Variants in RBMS2 observed in about 807,000 individuals in gnomAD.
The protein encoded by RBMS2 is RNA-binding motif, single-stranded-interacting protein 2.
Under a neutral mutation model 58.4 loss-of-function variants are expected in RBMS2, and 38 were observed. The observed-to-expected ratio is 0.65, with a 90% confidence interval of 0.50 to 0.85. The LOEUF (loss-of-function observed/expected upper bound fraction) is 0.85, where lower values mean the gene tolerates loss of function less well. RBMS2 is among the 40% of genes least tolerant of loss of function. RBMS2 has a pLI of 0.00. For synonymous variants in RBMS2, 151 were observed against 180.7 expected (o/e 0.84, Z 1.32); for missense variants, 367 against 503.7 (o/e 0.73, Z 2.60).
At chr12:56,532,968 T>G (rs1277968777) in intron 1 of RBMS2, among the ~76,000 whole-genome samples, 1 of 152,052 alleles carries the variant, frequency 6.6e-6, no homozygotes, top group Non-Finnish European at 1.5e-5. Flanking sequence ...TGGGTCTCAC[T>G]TTGTCACTCG....
chr12:56,559,986 CCAGGTT>C (rs58931394), intron 1 of RBMS2, among the ~76,000 whole-genome samples: 107,030 of 149,376 alleles, frequency 0.72, 40,613 homozygotes, highest in East Asian at 0.83. Flanking sequence ...CCTCCGCCTC[CCAGGTT>C]CAAGCATTTC....
At chr12:56,588,627 A>C (rs371748361) in intron 12 of RBMS2, 44 of 586,504 alleles carry the variant, frequency 7.5e-5, no homozygotes, top group Non-Finnish European at 1.1e-4. Flanking sequence ...TTTAAAAAAA[A>C]AACAACAGCA....
chr12:56,528,736 G>A (rs764840266), intron 1 of RBMS2, among the ~76,000 whole-genome samples: 2 of 152,024 alleles, frequency 1.3e-5, no homozygotes, highest in East Asian at 1.9e-4. Flanking sequence ...AGACCAGCCC[G>A]GGGCAACATG....
rs759589996 is a variant in RBMS2, at chr12:56,581,862, C to A, written c.762C>A (p.Thr254=). Residue 254 remains threonine, a synonymous_variant, in exon 8 of 14, where the codon ACC becomes ACA. Coordinates refer to ENST00000262031, the MANE Select transcript of RBMS2 (RefSeq NM_002898.4). ...TCATGGCCTTGACCTATGACCCCAC[C>A]ACAGCTCTTCAGAATGGGTAAGGTT... The part of the protein sequence containing the change: ...MGVMALTYDP[T]TALQNGFYPA... 5 of 1,614,034 alleles carry A rather than the reference C, an allele frequency of 3.1e-6. No homozygotes were observed. In the South Asian group the frequency reaches 4.4e-5, roughly 14 times the overall value.
chr12:56,550,536 AAAAAC>A (rs557116687), intron 1 of RBMS2, among the ~76,000 whole-genome samples: 130 of 151,918 alleles, frequency 8.6e-4, no homozygotes, highest in African/African-American at 2.8e-3. Flanking sequence ...CCTTTCTCAA[AAAAAC>A]AAAACAAAAC....
Position 56,593,296 on chromosome 12 carries a change from T to C in RBMS2, c.*4163T>C, listed in dbSNP as rs992250929. 6.6e-6 allele frequency: 1 copy of C among 152,104 alleles called. No individual in the cohort carries two copies. Among genetic ancestry groups the C allele is most frequent in the Non-Finnish European group, 1.5e-5 (1 of 68,082 alleles). The allele number at this position is 152,104 out of a possible 1,614,324, so 9.4% of individuals were successfully genotyped here. A position where few individuals can be genotyped will look rare whatever the true frequency, so the allele number is the denominator to read the frequency against. On this transcript the variant is annotated 3_prime_UTR_variant, in exon 14 of 14. Transcript: ENST00000262031. ...CCCGGCCACCAAGTAGCTGGGACTATGGGCTTGTGCCACCATGCCTGGCTA... is the reference window on the plus strand; with the variant it reads ...CCCGGCCACCAAGTAGCTGGGACTACGGGCTTGTGCCACCATGCCTGGCTA...
intron 1 of RBMS2, among the ~76,000 whole-genome samples, chr12:56,533,324 A>T (rs1874121564): frequency 6.7e-6 from 1 of 150,102 alleles, no homozygotes; most frequent in African/African-American, 2.5e-5. Flanking sequence ...ATGGTCTCGA[A>T]CTCCTGACCT....
intron 1 of RBMS2, among the ~76,000 whole-genome samples, chr12:56,560,621 A>G: frequency 6.6e-6 from 1 of 151,276 alleles, no homozygotes; most frequent in East Asian, 2.0e-4. Context: ...TCTCAAACTC[A>G]TGGGTTCAAG....
intron 5 of RBMS2, chr12:56,580,429 C>T: frequency 3.4e-6 from 1 of 296,382 alleles, no homozygotes. Flanking sequence ...GATGGGGTTT[C>T]TCCATGTTGT....
intron 1 of RBMS2, among the ~76,000 whole-genome samples, chr12:56,548,972 G>A (rs974717010): frequency 3.3e-5 from 5 of 151,952 alleles, no homozygotes; most frequent in African/African-American, 9.7e-5. Flanking sequence ...GCACTTGATC[G>A]GAGAGCTTAA....
chr12:56,535,630 C>T (rs1246484340), intron 1 of RBMS2, among the ~76,000 whole-genome samples: 1 of 151,988 alleles, frequency 6.6e-6, no homozygotes, highest in African/African-American at 2.4e-5. Flanking sequence ...TTTAACATTA[C>T]ACCTGACACC....
At chr12:56,583,794 A>G (rs1278795175) in intron 9 of RBMS2, among the ~76,000 whole-genome samples, 1 of 152,174 alleles carries the variant, frequency 6.6e-6, no homozygotes, top group Non-Finnish European at 1.5e-5. Context: ...ATTGCTATTC[A>G]TATGCTTTGT....
intron 1 of RBMS2, among the ~76,000 whole-genome samples, chr12:56,554,977 G>A (rs907630457): frequency 1.3e-5 from 2 of 151,518 alleles, no homozygotes; most frequent in East Asian, 3.9e-4. Flanking sequence ...CTATTATAAC[G>A]AATGATGCAA....
chr12:56,580,054 C>T (rs560984207), intron 5 of RBMS2, among the ~76,000 whole-genome samples: 5 of 150,732 alleles, frequency 3.3e-5, no homozygotes, highest in East Asian at 2.0e-4. Flanking sequence ...CTCAGCCTCC[C>T]GAGTAGCTGG....
chr12:56,570,264 C>G (rs1043387306), intron 4 of RBMS2, among the ~76,000 whole-genome samples: 1 of 152,150 alleles, frequency 6.6e-6, no homozygotes, highest in Non-Finnish European at 1.5e-5. Flanking sequence ...GCTGCTTCCC[C>G]GTGTTCCCTA....
intron 1 of RBMS2, among the ~76,000 whole-genome samples, chr12:56,549,515 AACATGAAGTTTCTGCT>A (rs1018909389): frequency 6.6e-6 from 1 of 152,104 alleles, no homozygotes; most frequent in African/African-American, 2.4e-5. Context: ...TAAGACAGGA[AACATGAAGTTTCTGCT>A]ACAGGTACAG....
At chr12:56,550,021 C>T (rs1198369193) in intron 1 of RBMS2, among the ~76,000 whole-genome samples, 5 of 151,536 alleles carry the variant, frequency 3.3e-5, no homozygotes, top group African/African-American at 4.8e-5. Context: ...AGCGAAACTC[C>T]GTCTCGCAAA....
chr12:56,556,165 G>T (rs565924126), intron 1 of RBMS2, among the ~76,000 whole-genome samples: 1 of 152,034 alleles, frequency 6.6e-6, no homozygotes, highest in East Asian at 1.9e-4. Flanking sequence ...CCAGCATTTT[G>T]GGAGGCCAAG....
At chr12:56,573,288 C>A (rs1187428455) in intron 5 of RBMS2, 28 of 635,898 alleles carry the variant, frequency 4.4e-5, no homozygotes, top group Admixed American at 6.4e-5. Context: ...ACCAGCCTGG[C>A]CAACCTGGTG....
Sources: allele counts gnomAD v4.1 joint callset (sites outside exome capture counted in the v4.1 genomes callset), GRCh38; gene constraint gnomAD v4.1.1; transcripts MANE v1.5; gene names NCBI Gene and HGNC (gene_info 2026-07-23, HGNC 2026-07-21).